The following FARP1 variants were observed in gnomAD, a reference collection of about 807,000 sequenced individuals.
FARP1 encodes the protein FERM, ARH/RhoGEF and pleckstrin domain protein 1.
FARP1 carries 52 observed loss-of-function variants against 128.8 expected under a neutral mutation model. That is an observed-to-expected ratio of 0.40 (90% confidence interval 0.32 to 0.51). The LOEUF (loss-of-function observed/expected upper bound fraction) is 0.51, where lower values mean the gene tolerates loss of function less well. FARP1 is among the 20% of genes least tolerant of loss of function. The pLI is 0.45. For missense variants in FARP1, 1,333 were observed against 1,367.9 expected (o/e 0.97, Z 0.40); for synonymous variants, 580 against 551.8 (o/e 1.05, Z -0.72).
intron 2 of FARP1, among the ~76,000 whole-genome samples, chr13:98,250,371 G>T (rs778910304): frequency 5.3e-5 from 8 of 152,128 alleles, no homozygotes; most frequent in Non-Finnish European, 8.8e-5. Flanking sequence ...ACTTTAAATT[G>T]TGAAATATGG....
At chr13:98,259,632 A>T (rs1224190881) in intron 2 of FARP1, among the ~76,000 whole-genome samples, 1 of 152,218 alleles carries the variant, frequency 6.6e-6, no homozygotes, top group African/African-American at 2.4e-5. Flanking sequence ...TTCAATTTTT[A>T]AAATGCATAT....
chr13:98,412,071 TC>T, intron 16 of FARP1, 37 bp downstream of exon 16: 4 of 1,601,966 alleles, frequency 2.5e-6, no homozygotes, highest in Non-Finnish European at 3.4e-6. Flanking sequence ...CGTTCCTCCC[TC>T]CGTCTTGCTT....
At chr13:98,365,473 A>G in intron 4 of FARP1, 36 bp downstream of exon 4, 1 of 1,473,034 alleles carries the variant, frequency 6.8e-7, no homozygotes. Flanking sequence ...GTGATGTGAA[A>G]TCTGAAGCCA....
At chr13:98,372,773 A>G (rs541786517) in intron 5 of FARP1, among the ~76,000 whole-genome samples, 1 of 152,278 alleles carries the variant, frequency 6.6e-6, no homozygotes, top group Admixed American at 6.5e-5. Context: ...CTCTCCTCAC[A>G]TGAGAGGTGG....
rs143104121 is a variant in FARP1 at position 98,219,798 on chromosome 13, T to C, written c.171+6385T>C. Reference sequence around the variant, plus strand: ...TCCCACCACAGTCCCCCCTAGTTGCTGAGACTACAGGCACGCATCACCACA... The same window carrying C: ...TCCCACCACAGTCCCCCCTAGTTGCCGAGACTACAGGCACGCATCACCACA... On this transcript the variant is annotated intron_variant, in intron 2 of 26. Transcript: ENST00000319562. Among the ~76,000 whole-genome samples the C allele has an allele frequency of 3.6e-3, 547 of 152,238 alleles. 3 individuals are homozygous for C. Among genetic ancestry groups the C allele is most frequent in the African/African-American group, 0.013 (521 of 41,554 alleles).
chr13:98,419,101 C>T (rs1891494579), intron 16 of FARP1, among the ~76,000 whole-genome samples: 1 of 152,180 alleles, frequency 6.6e-6, no homozygotes, highest in African/African-American at 2.4e-5. Context: ...GACAAGTGGG[C>T]ATGTGAATTA....
chr13:98,296,359 A>G (rs1460101750), intron 2 of FARP1, among the ~76,000 whole-genome samples: 1 of 151,758 alleles, frequency 6.6e-6, no homozygotes, highest in African/African-American at 2.4e-5. Context: ...CTTGAATGCT[A>G]TTTCCCCAGT....
At chr13:98,413,269 A>T (rs1382380419) in intron 16 of FARP1, among the ~76,000 whole-genome samples, 3 of 152,230 alleles carry the variant, frequency 2.0e-5, no homozygotes. Context: ...AATAATAGGT[A>T]CAAAGTCAGC....
intron 1 of FARP1, among the ~76,000 whole-genome samples, chr13:98,206,220 C>G (rs554785354): frequency 2.1e-5 from 3 of 144,996 alleles, no homozygotes; most frequent in African/African-American, 7.7e-5. Context: ...TGTGTGTGAT[C>G]CTTTCAACCT....
chr13:98,423,626 C>T (rs1266524746), intron 16 of FARP1, among the ~76,000 whole-genome samples: 1 of 152,162 alleles, frequency 6.6e-6, no homozygotes, highest in African/African-American at 2.4e-5. Flanking sequence ...CTAGAGCTGG[C>T]TCCTGTGCGA....
chr13:98,187,243 G>A (rs904309686), intron 1 of FARP1, among the ~76,000 whole-genome samples: 3 of 152,128 alleles, frequency 2.0e-5, no homozygotes, highest in Admixed American at 1.3e-4. Flanking sequence ...CTTGCAGGTA[G>A]AATGTCTTTC....
At chr13:98,165,710 G>GTTTTTTTTTTTTTTTTTTTTTTTTTTT (rs71111927) in intron 1 of FARP1, among the ~76,000 whole-genome samples, 1 of 74,120 alleles carries the variant, frequency 1.3e-5, no homozygotes, top group Non-Finnish European at 2.4e-5. Context: ...TCCAGAAGGG[G>GTTTTTTTTTTTTTTTTTTTTTTTTTTT]TTTTTTTTTT....
chr13:98,447,916 C>A, intron 26 of FARP1: 2 of 386,108 alleles, frequency 5.2e-6, no homozygotes, highest in Non-Finnish European at 9.5e-6. Context: ...CCGCCATTCT[C>A]TGCCATGTCC....
intron 6 of FARP1, among the ~76,000 whole-genome samples, chr13:98,378,938 T>C (rs1288038666): frequency 9.0e-6 from 1 of 111,144 alleles, no homozygotes; most frequent in Non-Finnish European, 1.7e-5. Context: ...CAATATATAA[T>C]CTATATATAA....
At chr13:98,320,016 G>A (rs1469808393) in intron 2 of FARP1, among the ~76,000 whole-genome samples, 2 of 152,190 alleles carry the variant, frequency 1.3e-5, no homozygotes, top group African/African-American at 2.4e-5. Flanking sequence ...AACACCCGGG[G>A]TGGAATGTAG....
chr13:98,371,218 GTTTT>G (rs33975048), intron 5 of FARP1, among the ~76,000 whole-genome samples: 42 of 124,710 alleles, frequency 3.4e-4, no homozygotes, highest in South Asian at 1.1e-3. Flanking sequence ...CCCGCCCCCC[GTTTT>G]TTTTTTTTTT....
chr13:98,178,880 T>A (rs1415312618), intron 1 of FARP1, among the ~76,000 whole-genome samples: 1 of 152,248 alleles, frequency 6.6e-6, no homozygotes, highest in Non-Finnish European at 1.5e-5. Flanking sequence ...TCATCCCATC[T>A]TTCATGTTGG....
At chr13:98,441,338 A>G (rs1892516582) in intron 24 of FARP1, among the ~76,000 whole-genome samples, 1 of 152,244 alleles carries the variant, frequency 6.6e-6, no homozygotes, top group South Asian at 2.1e-4. Context: ...AACAAGGGAA[A>G]AGCATGACCA....
At chr13:98,392,692 T>C (rs1341738964) in intron 11 of FARP1, among the ~76,000 whole-genome samples, 1 of 152,158 alleles carries the variant, frequency 6.6e-6, no homozygotes, top group Non-Finnish European at 1.5e-5. Context: ...ACCATCCAGA[T>C]TATTTCAGTA....
Sources: gnomAD v4.1 joint callset for allele counts (sites outside exome capture counted in the v4.1 genomes callset) on GRCh38, gnomAD v4.1.1 for gene constraint, MANE v1.5 for transcripts, NCBI Gene and HGNC (gene_info 2026-07-23, HGNC 2026-07-21) for gene names.